The following USH2A variants were observed in gnomAD, a reference collection of about 807,000 sequenced individuals.
The protein encoded by USH2A is Usher syndrome 2A (autosomal recessive, mild).
In USH2A, 443 loss-of-function variants were observed where a neutral mutation model predicts 538.9. The ratio of observed to expected loss-of-function variants is 0.82; its 90% CI spans 0.76 to 0.89. The LOEUF (loss-of-function observed/expected upper bound fraction) is 0.89. USH2A is among the 40% of genes least tolerant of loss of function. The pLI is 0.00. For missense variants in USH2A, 6,633 were observed against 6,324.8 expected (o/e 1.05, Z -1.65); for synonymous variants, 2,413 against 2,273.5 (o/e 1.06, Z -1.75).
intron 38 of USH2A, among the ~76,000 whole-genome samples, chr1:215,915,026 G>T (rs1438343938): frequency 6.6e-6 from 1 of 152,118 alleles, no homozygotes; most frequent in East Asian, 1.9e-4. Flanking sequence ...GGCAGTTATT[G>T]TACACCAGGC....
chr1:215,932,220 A>C (rs1460463007), intron 38 of USH2A, among the ~76,000 whole-genome samples: 1 of 152,022 alleles, frequency 6.6e-6, no homozygotes, highest in Non-Finnish European at 1.5e-5. Flanking sequence ...TCCAACTATA[A>C]TGGAAAAGTA....
chr1:216,056,111 C>A (rs7513752), intron 30 of USH2A, among the ~76,000 whole-genome samples: 84,823 of 152,066 alleles, frequency 0.56, 24,702 homozygotes, highest in African/African-American at 0.73. Context: ...GCAGGTTTAC[C>A]TCTAACCTCA....
intron 38 of USH2A, among the ~76,000 whole-genome samples, chr1:215,907,329 G>T (rs936040921): frequency 5.3e-5 from 8 of 151,944 alleles, no homozygotes; most frequent in African/African-American, 1.9e-4. Context: ...GCAAGCCTCT[G>T]GTACCATTCG....
intron 21 of USH2A, among the ~76,000 whole-genome samples, chr1:216,163,753 G>A (rs893522589): frequency 2.0e-5 from 3 of 151,594 alleles, no homozygotes; most frequent in African/African-American, 7.3e-5. Context: ...TGTATACCAG[G>A]ACCCCACCTA....
At chr1:216,366,770 A>T (rs148832279) in intron 3 of USH2A, among the ~76,000 whole-genome samples, 141 of 152,170 alleles carry the variant, frequency 9.3e-4, no homozygotes, top group African/African-American at 3.2e-3. Context: ...ATTTGATTTA[A>T]TTTTAAAACA....
chr1:216,305,289 G>A lies in USH2A; in HGVS notation c.1645-12919C>T, dbSNP rs148648477. ...ATAATGTCCCTCTTTGTTAACTGCTGTTGCTTTGAAGTTTGTTTTGTCTGA... is the reference window on the plus strand; with the variant it reads ...ATAATGTCCCTCTTTGTTAACTGCTATTGCTTTGAAGTTTGTTTTGTCTGA... On this transcript the variant is annotated intron_variant, in intron 9 of 71. Coordinates refer to ENST00000307340, the MANE Select transcript of USH2A (RefSeq NM_206933.4). Among the ~76,000 whole-genome samples the A allele has an allele frequency of 5.6e-3, 858 of 152,180 alleles. 3 individuals are homozygous for A. Among genetic ancestry groups the A allele is most frequent in the Non-Finnish European group, 7.7e-3 (522 of 67,944 alleles).
chr1:215,844,238 G>A, intron 46 of USH2A, 56 bp downstream of exon 46: 2 of 1,548,190 alleles, frequency 1.3e-6, no homozygotes, highest in Admixed American at 3.4e-5. Flanking sequence ...GACATAGCCT[G>A]GCATGTTTTA....
intron 50 of USH2A, among the ~76,000 whole-genome samples, chr1:215,795,963 T>C (rs957549900): frequency 7.4e-4 from 113 of 152,230 alleles, no homozygotes; most frequent in African/African-American, 2.6e-3. Context: ...CATTTAGACA[T>C]AAAATAATAA....
At chr1:216,418,377 C>G in intron 3 of USH2A, 137 bp downstream of exon 3, 1 of 943,632 alleles carries the variant, frequency 1.1e-6, no homozygotes, top group African/African-American at 1.7e-5. Context: ...TATTTTTCTT[C>G]TTTAGTTGTC....
intron 59 of USH2A, among the ~76,000 whole-genome samples, chr1:215,742,796 A>G (rs1382138183): frequency 1.3e-5 from 2 of 152,102 alleles, no homozygotes; most frequent in African/African-American, 4.8e-5. Flanking sequence ...ATAACTTCTC[A>G]CTTCCTCCTC....
intron 21 of USH2A, among the ~76,000 whole-genome samples, chr1:216,099,093 C>T (rs1034700451): frequency 1.3e-5 from 2 of 152,174 alleles, no homozygotes; most frequent in African/African-American, 4.8e-5. Context: ...GTTTAGGATA[C>T]AAGCTTTAGA....
chr1:216,185,644 A>C (rs2102650640), intron 20 of USH2A, among the ~76,000 whole-genome samples: 1 of 152,048 alleles, frequency 6.6e-6, no homozygotes, highest in East Asian at 1.9e-4. Context: ...TCCAAATTGC[A>C]ATGTTAATAG....
intron 3 of USH2A, among the ~76,000 whole-genome samples, chr1:216,371,942 A>G (rs909066177): frequency 2.6e-5 from 4 of 152,216 alleles, no homozygotes; most frequent in African/African-American, 9.6e-5. Flanking sequence ...TACTGACATG[A>G]ATTTTTATAT....
intron 37 of USH2A, among the ~76,000 whole-genome samples, chr1:215,946,875 A>G (rs1376045280): frequency 6.6e-6 from 1 of 152,196 alleles, no homozygotes; most frequent in Non-Finnish European, 1.5e-5. Flanking sequence ...ATCTAAATGC[A>G]GACTGAATAT....
At chr1:216,008,291 T>G (rs1668454146) in intron 32 of USH2A, among the ~76,000 whole-genome samples, 1 of 152,018 alleles carries the variant, frequency 6.6e-6, no homozygotes, top group African/African-American at 2.4e-5. Context: ...TGACATTGTC[T>G]TGTGAAATTC....
intron 51 of USH2A, among the ~76,000 whole-genome samples, chr1:215,788,946 CAAAAA>C (rs1004310551): frequency 1.4e-5 from 2 of 146,144 alleles, no homozygotes; most frequent in African/African-American, 5.0e-5. Context: ...CAAAACAAAA[CAAAAA>C]AACAGGGGAA....
In USH2A at chr1:216,039,041, G is replaced by A. The variant is rs207461108; in HGVS notation, c.6325+7390C>T. 5.3e-5 allele frequency among the ~76,000 whole-genome samples: 8 copies of A among 151,880 alleles called. No individual in the cohort carries two copies. The highest frequency in any genetic ancestry group is 9.7e-5 in the African/African-American group (4 of 41,374). ...AAACATATTTTATTTCTTCACATAC[G>A]GGTGCATTATAGAAGCACCTTAATG... On this transcript the variant is annotated intron_variant, in intron 32 of 71. Transcript: ENST00000307340.
At chr1:216,193,012 G>A (rs2034751948) in intron 19 of USH2A, among the ~76,000 whole-genome samples, 2 of 152,032 alleles carry the variant, frequency 1.3e-5, no homozygotes, top group African/African-American at 2.4e-5. Flanking sequence ...GGGAGATGTG[G>A]AATATGAACA....
intron 14 of USH2A, among the ~76,000 whole-genome samples, chr1:216,223,953 A>G (rs2035512069): frequency 6.6e-6 from 1 of 152,212 alleles, no homozygotes; most frequent in Admixed American, 6.5e-5. Flanking sequence ...ATCTGGGCAT[A>G]GAAGAACTTC....
Sources: allele counts gnomAD v4.1 joint callset (sites outside exome capture counted in the v4.1 genomes callset), GRCh38; gene constraint gnomAD v4.1.1; transcripts MANE v1.5; gene names NCBI Gene and HGNC (gene_info 2026-07-23, HGNC 2026-07-21).